The following GPATCH11 variants were observed in gnomAD, a reference collection of about 807,000 sequenced individuals.
The protein encoded by GPATCH11 is G patch domain-containing protein 11.
A neutral mutation model predicts 44.8 loss-of-function variants in GPATCH11; 32 were observed. The observed-to-expected ratio is 0.71, with a 90% confidence interval of 0.54 to 0.96. GPATCH11 has a LOEUF of 0.96. Ranked by LOEUF, GPATCH11 falls within the 40% of genes least tolerant of loss-of-function variation. The pLI, the probability that GPATCH11 is intolerant of heterozygous loss-of-function variation, is 0.00. For missense variants in GPATCH11, 324 were observed against 303.1 expected (o/e 1.07, Z -0.51); for synonymous variants, 84 against 94.4 (o/e 0.89, Z 0.64).
At chr2:37,095,316 A>G in intron 7 of GPATCH11, 121 bp from the exon 8 acceptor site, 1 of 1,218,050 alleles carries the variant, frequency 8.2e-7, no homozygotes, top group Non-Finnish European at 1.1e-6. Context: ...GACATTTCTA[A>G]TAACTATTCC....
chr2:37,095,499 G>T lies in GPATCH11; in HGVS notation c.717G>T (p.Trp239Cys). The T allele has an allele frequency of 6.2e-7, 1 of 1,603,214 alleles. No homozygotes were observed. The highest frequency in any genetic ancestry group is 8.5e-7 in the Non-Finnish European group (1 of 1,175,964). The change falls in exon 8 of 9, where the codon TGG (tryptophan) becomes TGT (cysteine). Residue 239 changes from tryptophan (W) to cysteine (C), a missense_variant. Coordinates refer to ENST00000674370, the MANE Select transcript of GPATCH11 (RefSeq NM_174931.4). ...YLREEHLYCI[W>C]CGTAYEDKED... ...GAGAAGAACATCTATATTGTATTTG[G>T]TGTGGAACAGCCTATGAAGGTAAGA...
intron 1 of GPATCH11, among the ~76,000 whole-genome samples, chr2:37,086,728 G>A (rs1646189378): frequency 1.3e-5 from 2 of 152,190 alleles, no homozygotes; most frequent in South Asian, 4.1e-4. Flanking sequence ...GAACTCGGCA[G>A]GTGTAGGTTG....
chr2:37,096,400 T>G lies in GPATCH11; in HGVS notation c.*137T>G. 1 of 635,734 alleles carries G rather than the reference T, an allele frequency of 1.6e-6. No individual in the cohort carries two copies. The highest frequency in any genetic ancestry group is 2.8e-6 in the Non-Finnish European group (1 of 357,922). The allele number at this position is 635,734 out of a possible 1,614,324, so 39.4% of individuals were successfully genotyped here. The stretch of plus-strand genomic sequence containing the variant: ...ATATAATGTTTTGTTCTTTTTGTAC[T>G]TTAGAATATGAATGTTCATTGACTT... On this transcript the variant is annotated 3_prime_UTR_variant, in exon 9 of 9. Transcript: ENST00000674370.
rs75879387 is a variant in GPATCH11, at chr2:37,093,994, T to C, written c.541-88T>C. 2,547 of 862,138 alleles carry C rather than the reference T, an allele frequency of 3.0e-3. 51 individuals carry two copies. The African/African-American group carries it at 0.038, about 13-fold the overall frequency. The allele number at this position is 862,138 out of a possible 1,614,324, so 53.4% of individuals were successfully genotyped here. ...TAAAGCCACACTCAGTGAATACGTA[T>C]TGAAAGAATGAATTCATGTTGACAT... On this transcript the variant is annotated intron_variant, in intron 6 of 8. Transcript: ENST00000674370.
chr2:37,088,641 C>T (rs1295006767), intron 2 of GPATCH11, among the ~76,000 whole-genome samples: 1 of 152,168 alleles, frequency 6.6e-6, no homozygotes, highest in East Asian at 1.9e-4. Flanking sequence ...CTTGGCCTCC[C>T]GAGTAGTTGG....
At chr2:37,095,566 AT>A in intron 8 of GPATCH11, 48 bp downstream of exon 8, 1 of 1,493,522 alleles carries the variant, frequency 6.7e-7, no homozygotes, top group Non-Finnish European at 8.9e-7. Context: ...ATGCTCTCCA[AT>A]TTTTAGTTAA....
At chr2:37,091,201 G>A (rs1212774000) in intron 4 of GPATCH11, among the ~76,000 whole-genome samples, 3 of 152,074 alleles carry the variant, frequency 2.0e-5, no homozygotes, top group African/African-American at 7.2e-5. Context: ...GTGCATGCCT[G>A]TAATCCCAGC....
chr2:37,093,500 TACTTTG>T (rs1673430525), intron 6 of GPATCH11, among the ~76,000 whole-genome samples: 1 of 152,224 alleles, frequency 6.6e-6, no homozygotes, highest in South Asian at 2.1e-4. Context: ...CATATTACTT[TACTTTG>T]AATGTATTTC....
At chr2:37,086,346 C>T (rs879598882) in intron 1 of GPATCH11, among the ~76,000 whole-genome samples, 2 of 152,168 alleles carry the variant, frequency 1.3e-5, no homozygotes, top group African/African-American at 2.4e-5. Flanking sequence ...TATAAAATTA[C>T]AAATATTAAA....
chr2:37,094,514 G>C (rs1258979086), intron 7 of GPATCH11, among the ~76,000 whole-genome samples: 1 of 152,096 alleles, frequency 6.6e-6, no homozygotes, highest in East Asian at 1.9e-4. Context: ...TCTCATCTCA[G>C]CTTCAGTTTG....
chr2:37,097,096 G>C lies in GPATCH11; in HGVS notation c.*833G>C, dbSNP rs188401693. On this transcript the variant is annotated 3_prime_UTR_variant, in exon 9 of 9. Coordinates refer to ENST00000674370, the MANE Select transcript of GPATCH11 (RefSeq NM_174931.4). The stretch of plus-strand genomic sequence containing the variant: ...TTATATGTGATCTGTTGGAAGTTTT[G>C]GCTAGAGAAACTTAATTGTGAGGAA... 3 of 152,182 alleles carry C rather than the reference G, an allele frequency of 2.0e-5. No individual in the cohort carries two copies. Among genetic ancestry groups the C allele is most frequent in the African/African-American group, 7.2e-5 (3 of 41,522 alleles). 9.4% of individuals were successfully genotyped at this position (152,182 alleles called of 1,614,324 possible).
At chr2:37,089,297 A>G (rs945567626) in intron 2 of GPATCH11, among the ~76,000 whole-genome samples, 9 of 152,098 alleles carry the variant, frequency 5.9e-5, no homozygotes, top group Non-Finnish European at 1.2e-4. Context: ...CCAGGCGTGG[A>G]AGCTCACGCC....
At chr2:37,091,486 C>A (rs1019358872) in intron 4 of GPATCH11, among the ~76,000 whole-genome samples, 1 of 152,014 alleles carries the variant, frequency 6.6e-6, no homozygotes, top group South Asian at 2.1e-4. Flanking sequence ...CTGGAGCCCA[C>A]AAGTTCGAGG....
intron 2 of GPATCH11, 48 bp from the exon 3 acceptor site, chr2:37,089,592 A>G: frequency 7.6e-7 from 1 of 1,313,890 alleles, no homozygotes; most frequent in Non-Finnish European, 1.0e-6. Context: ...AAAAAAAAGA[A>G]AAGAAAACTT....
intron 1 of GPATCH11, among the ~76,000 whole-genome samples, chr2:37,085,619 A>G (rs367688983): frequency 1.3e-5 from 2 of 152,252 alleles, no homozygotes; most frequent in Non-Finnish European, 2.9e-5. Flanking sequence ...AATAGTGACT[A>G]TTCTTAGAAC....
intron 8 of GPATCH11, among the ~76,000 whole-genome samples, 189 bp downstream of exon 8, chr2:37,095,707 ATG>A (rs1288324389): frequency 1.3e-5 from 2 of 152,188 alleles, no homozygotes; most frequent in African/African-American, 4.8e-5. Context: ...CAGAAACTGA[ATG>A]TGTGGAAGTG....
intron 7 of GPATCH11, among the ~76,000 whole-genome samples, chr2:37,094,788 T>C (rs760784683): frequency 6.6e-6 from 1 of 151,944 alleles, no homozygotes; most frequent in Non-Finnish European, 1.5e-5. Flanking sequence ...CTACTAAAAA[T>C]ACAAAAATTA....
At chr2:37,090,791 G>T in intron 4 of GPATCH11, 69 bp downstream of exon 4, 2 of 756,500 alleles carry the variant, frequency 2.6e-6, no homozygotes, top group South Asian at 1.8e-5. Context: ...ACATATATTT[G>T]CTCAATAAAT....
intron 7 of GPATCH11, among the ~76,000 whole-genome samples, chr2:37,095,086 T>A (rs748640638): frequency 4.6e-5 from 7 of 152,200 alleles, no homozygotes; most frequent in Non-Finnish European, 1.0e-4. Context: ...TGATGAGAAC[T>A]TTTATGGCAA....
Sources: gnomAD v4.1 joint callset for allele counts (sites outside exome capture counted in the v4.1 genomes callset) on GRCh38, gnomAD v4.1.1 for gene constraint, MANE v1.5 for transcripts, NCBI Gene and HGNC (gene_info 2026-07-23, HGNC 2026-07-21) for gene names.